Variants in TRAF3IP3 observed in about 807,000 individuals in gnomAD.
TRAF3IP3 encodes the protein TRAF3-interacting JNK-activating modulator.
Under a neutral mutation model 86.5 loss-of-function variants are expected in TRAF3IP3, and 64 were observed. The ratio of observed to expected loss-of-function variants is 0.74; its 90% CI spans 0.60 to 0.91. The LOEUF (loss-of-function observed/expected upper bound fraction) is 0.91. Among genes scored for constraint, TRAF3IP3 ranks in the 40% least tolerant of loss-of-function variants. The pLI is 0.00. For synonymous variants in TRAF3IP3, 220 were observed against 243.9 expected, an observed-to-expected ratio of 0.90 and a Z score of 0.91; for missense variants, 579 against 642.9, an observed-to-expected ratio of 0.90 and a Z score of 1.07.
At chr1:209,767,164 T>C (rs919595889) in intron 8 of TRAF3IP3, among the ~76,000 whole-genome samples, 2 of 152,186 alleles carry the variant, frequency 1.3e-5, no homozygotes, top group East Asian at 1.9e-4. Flanking sequence ...GAATAATGCA[T>C]GGACCCATTT....
intron 14 of TRAF3IP3, chr1:209,779,805 G>A (rs2102519570): frequency 5.1e-6 from 2 of 390,612 alleles, no homozygotes; most frequent in South Asian, 3.5e-5. Flanking sequence ...ATACAGAGGG[G>A]CAATAGCTCC....
chr1:209,768,016 G>C, intron 8 of TRAF3IP3: 1 of 564,156 alleles, frequency 1.8e-6, no homozygotes, highest in East Asian at 1.5e-4. Flanking sequence ...CAGTTTTAAA[G>C]AAAAACAGTC....
chr1:209,782,277 TTAACC>T lies in TRAF3IP3; in HGVS notation c.*132_*136del, dbSNP rs1330897101. The T allele has an allele frequency of 1.4e-6, 1 of 699,386 alleles. No homozygotes were observed. 43.3% of individuals were successfully genotyped at this position (699,386 alleles called of 1,614,324 possible). On this transcript the variant is annotated 3_prime_UTR_variant, in exon 17 of 17. Coordinates refer to ENST00000367025, the MANE Select transcript of TRAF3IP3 (RefSeq NM_025228.4). ...GGATTTCTGACTTTTTATTAATTTC[TTAACC>T]TACTGTAAATAAACTTCACCTGACC...
At chr1:209,765,210 AGAG>A (rs2077323706) in intron 8 of TRAF3IP3, among the ~76,000 whole-genome samples, 1 of 108,600 alleles carries the variant, frequency 9.2e-6, no homozygotes, top group South Asian at 3.5e-4. Context: ...AGAGAGAGAG[AGAG>A]GGAGAGAGAG....
intron 15 of TRAF3IP3, 22 bp from the exon 16 acceptor site, chr1:209,781,323 A>G (rs747955781): frequency 1.6e-5 from 24 of 1,534,510 alleles, no homozygotes; most frequent in Non-Finnish European, 2.0e-5. Context: ...GACAGTGATG[A>G]CTTTGGTGAT....
rs151244953 is a variant in TRAF3IP3, at chr1:209,781,225, G to A, written c.1450-120G>A. On this transcript the variant is annotated intron_variant, in intron 15 of 16. Transcript: ENST00000367025. ...CAAACTCAAATCCCTGAGAATGGCT[G>A]GGAAGGGAAGATGGTGGTAAAAATT... 4,402 of 617,182 alleles carry A rather than the reference G, an allele frequency of 7.1e-3. 27 individuals are homozygous for A. Among genetic ancestry groups the A allele is most frequent in the Middle Eastern group, 0.014 (44 of 3,198 alleles). 38.2% of individuals were successfully genotyped at this position (617,182 alleles called of 1,614,324 possible). A position where few individuals can be genotyped will look rare whatever the true frequency, so the allele number is the denominator to read the frequency against.
At chr1:209,781,612 T>C (rs1003586591) in intron 16 of TRAF3IP3, 154 bp downstream of exon 16, 5 of 545,302 alleles carry the variant, frequency 9.2e-6, no homozygotes, top group Admixed American at 3.4e-5. Context: ...ATGGCAACCA[T>C]TGAAAAAAAC....
intron 15 of TRAF3IP3, 101 bp downstream of exon 15, chr1:209,780,707 G>A (rs2077758856): frequency 1.8e-6 from 2 of 1,128,050 alleles, no homozygotes; most frequent in Non-Finnish European, 1.2e-6. Flanking sequence ...AGTTGTGAGT[G>A]GATAACCACA....
Position 209,762,878 on chromosome 1 carries a change from C to T in TRAF3IP3, c.551+8C>T. 8 of 1,614,122 alleles carry T rather than the reference C, an allele frequency of 5.0e-6. No homozygotes were observed. Among genetic ancestry groups the T allele is most frequent in the Non-Finnish European group, 6.8e-6 (8 of 1,180,010 alleles). On this transcript the variant is annotated splice_region_variant and intron_variant, in intron 5 of 16. Coordinates refer to ENST00000367025, the MANE Select transcript of TRAF3IP3 (RefSeq NM_025228.4). ...TGCCAGTCAGCAAACCAAGTGAGTT[C>T]CTGACCCTAACCCTCTCACATCCCA...
chr1:209,763,227 T>C lies in TRAF3IP3; in HGVS notation c.576+135T>C, dbSNP rs2077279467. 12 of 1,363,882 alleles carry C rather than the reference T, an allele frequency of 8.8e-6. No individual in the cohort carries two copies. In the South Asian group the frequency reaches 1.4e-4, roughly 16 times the overall value. 84.5% of individuals were successfully genotyped at this position (1,363,882 alleles called of 1,614,324 possible). A position where few individuals can be genotyped will look rare whatever the true frequency, so the allele number is the denominator to read the frequency against. ...GGCAAGGGGGTACTGAGCATAGACA[T>C]GGGGACTAAAGGGACCCTGTCAGAG... On this transcript the variant is annotated intron_variant, in intron 6 of 16. Transcript: ENST00000367025.
rs1469631725 is a variant in TRAF3IP3, at chr1:209,760,025, T to A, written c.-15T>A. On this transcript the variant is annotated 5_prime_UTR_variant, in exon 3 of 17. Transcript: ENST00000367025. Reference sequence around the variant, plus strand: ...GGAACTGGAAGCCAAGCGCAACAGGTGCTTGGAGGTCATCATGATCAGCCC... The same window carrying A: ...GGAACTGGAAGCCAAGCGCAACAGGAGCTTGGAGGTCATCATGATCAGCCC... The A allele has an allele frequency of 1.3e-6, 2 of 1,593,268 alleles. No homozygotes were observed.
In TRAF3IP3 at chr1:209,782,278, T is replaced by A; in HGVS notation, c.*130T>A. 1.5e-6 allele frequency: 1 copy of A among 686,076 alleles called. No homozygotes were observed. The highest frequency in any genetic ancestry group is 2.6e-6 in the Non-Finnish European group (1 of 388,292). The allele number at this position is 686,076 out of a possible 1,614,324, so 42.5% of individuals were successfully genotyped here. On this transcript the variant is annotated 3_prime_UTR_variant, in exon 17 of 17. Coordinates refer to ENST00000367025, the MANE Select transcript of TRAF3IP3 (RefSeq NM_025228.4). ...GATTTCTGACTTTTTATTAATTTCT[T>A]AACCTACTGTAAATAAACTTCACCT...
chr1:209,770,848 T>C (rs2077475091), intron 8 of TRAF3IP3, among the ~76,000 whole-genome samples: 2 of 136,144 alleles, frequency 1.5e-5, no homozygotes, highest in African/African-American at 2.8e-5. Context: ...GAAGTGTGTG[T>C]GTGCATGTGA....
intron 8 of TRAF3IP3, among the ~76,000 whole-genome samples, chr1:209,771,422 G>GGTGGAGGTGTGTGCAT (rs1262721762): frequency 1.8e-4 from 24 of 135,110 alleles, no homozygotes; most frequent in African/African-American, 6.5e-4. Flanking sequence ...TGCATGTGCA[G>GGTGGAGGTGTGTGCAT]GTGGAGGTGT....
In TRAF3IP3 at chr1:209,780,464, T is replaced by G; in HGVS notation, c.1313-6T>G. The stretch of plus-strand genomic sequence containing the variant: ...ACTGTCACCAAGAATCTGGCTGCTT[T>G]TTTAGATCAGGCTTTGCCCGTGTGG... On this transcript the variant is annotated splice_polypyrimidine_tract_variant and splice_region_variant and intron_variant, in intron 14 of 16. Coordinates refer to ENST00000367025, the MANE Select transcript of TRAF3IP3 (RefSeq NM_025228.4). 6.5e-7 allele frequency: 1 copy of G among 1,550,012 alleles called. No homozygotes were observed. The highest frequency in any genetic ancestry group is 8.7e-7 in the Non-Finnish European group (1 of 1,142,958).
chr1:209,762,570 T>C lies in TRAF3IP3; in HGVS notation c.401T>C (p.Ile134Thr), dbSNP rs777194891. 3 of 1,491,164 alleles carry C rather than the reference T, an allele frequency of 2.0e-6. No individual in the cohort carries two copies. In the South Asian group the frequency reaches 4.4e-5, roughly 22 times the overall value. The allele number at this position is 1,491,164 out of a possible 1,614,324, so 92.4% of individuals were successfully genotyped here. ...GCCCAGCATCCTCCTCCCTCAGGCA[T>C]CTGCAGGGATCTGTCTGACCACCTC... ...FPAQHPPPSG[I>T]CRDLSDHLSS... is the part of the protein sequence containing the mutation. Residue 134 changes from isoleucine (I) to threonine (T), a missense_variant, in exon 4 of 17, where the codon ATC (isoleucine) becomes ACC (threonine). Ile to Thr is a moderately conservative substitution (Grantham distance 89, BLOSUM62 -1). Coordinates refer to ENST00000367025, the MANE Select transcript of TRAF3IP3 (RefSeq NM_025228.4).
intron 15 of TRAF3IP3, chr1:209,781,091 C>T (rs950365189): frequency 3.7e-5 from 9 of 242,024 alleles, no homozygotes; most frequent in Non-Finnish European, 5.7e-5. Context: ...AGCACTTGCA[C>T]GTAAAGTCAT....
intron 8 of TRAF3IP3, among the ~76,000 whole-genome samples, chr1:209,765,243 AAG>A (rs761511792): frequency 0.09 from 10,531 of 117,054 alleles, 870 homozygotes; most frequent in Non-Finnish European, 0.11. Context: ...GGAAGGAAGG[AAG>A]GAAGGAAGGA....
intron 11 of TRAF3IP3, chr1:209,777,133 G>A (rs965644992): frequency 5.4e-5 from 20 of 373,078 alleles, no homozygotes; most frequent in Non-Finnish European, 9.5e-6. Flanking sequence ...AGTTCCTTGT[G>A]AATATCAAAA....
Sources: gnomAD v4.1 joint callset for allele counts (sites outside exome capture counted in the v4.1 genomes callset) on GRCh38, gnomAD v4.1.1 for gene constraint, MANE v1.5 for transcripts, NCBI Gene and HGNC (gene_info 2026-07-23, HGNC 2026-07-21) for gene names.